Variants in NOTCH2 observed in about 807,000 individuals in gnomAD.
NOTCH2 encodes the protein notch receptor 2.
A neutral mutation model predicts 235.8 loss-of-function variants in NOTCH2; 29 were observed. The observed-to-expected ratio is 0.12, with a 90% confidence interval of 0.09 to 0.17. The LOEUF (loss-of-function observed/expected upper bound fraction) is 0.17, where lower values mean the gene tolerates loss of function less well. NOTCH2 is among the 10% of genes least tolerant of loss of function. The pLI, the probability that NOTCH2 is intolerant of heterozygous loss-of-function variation, is 1.00. For synonymous variants in NOTCH2, 1,086 were observed against 1,141.5 expected, an observed-to-expected ratio of 0.95 and a Z score of 0.98; for missense variants, 2,285 against 3,150.2, an observed-to-expected ratio of 0.73 and a Z score of 6.57.
intron 8 of NOTCH2, 57 bp downstream of exon 8, chr1:119,967,376 G>A (rs1162181203): frequency 3.1e-5 from 45 of 1,459,136 alleles, no homozygotes; most frequent in Non-Finnish European, 3.9e-5. Flanking sequence ...GCTCTACCAA[G>A]AGAAGTTCAG....
Position 119,925,554 on chromosome 1 carries a change from G to C in NOTCH2, c.4262C>G (p.Pro1421Arg). ...CELYTAPPST[P>R]PATCLSQYCA... ...ATACTGGCTCAGACAGGTGGCAGGA[G>C]GGGTGCTGGGGGGTGCCGTGTAGAG... is the stretch of plus-strand genomic sequence containing the variant. The change falls in exon 25 of 34, where the codon CCT becomes CGT. Residue 1421 changes from proline to arginine, a missense_variant. By Grantham distance (103) the Pro-to-Arg change is moderately radical. Around this residue, in one of 6 missense-constraint regions of NOTCH2, gnomAD observed 1,173 missense variants for 1,515.3 expected, o/e 0.77. Transcript: ENST00000256646. 1.2e-6 allele frequency: 2 copies of C among 1,614,162 alleles called. No homozygotes were observed. Among genetic ancestry groups the C allele is most frequent in the Non-Finnish European group, 1.7e-6 (2 of 1,180,030 alleles).
At chr1:119,931,217 C>G (rs1040767494) in intron 22 of NOTCH2, among the ~76,000 whole-genome samples, 6 of 151,276 alleles carry the variant, frequency 4.0e-5, no homozygotes, top group African/African-American at 1.5e-4. Context: ...TAAAGTAAGG[C>G]CCAATTTTCA....
chr1:119,987,959 C>T (rs983927068), intron 4 of NOTCH2, among the ~76,000 whole-genome samples: 2 of 152,174 alleles, frequency 1.3e-5, no homozygotes, highest in African/African-American at 2.4e-5. Context: ...CTTACTTTCT[C>T]TTTCCTTGCT....
At chr1:119,940,086 TG>T (rs774956851) in intron 19 of NOTCH2, among the ~76,000 whole-genome samples, 7 of 152,214 alleles carry the variant, frequency 4.6e-5, no homozygotes, top group Non-Finnish European at 7.3e-5. Flanking sequence ...TTAATGGAAG[TG>T]TGTATTTACA....
At chr1:119,930,838 C>G (rs1285469447) in intron 22 of NOTCH2, among the ~76,000 whole-genome samples, 2 of 151,188 alleles carry the variant, frequency 1.3e-5, no homozygotes, top group Non-Finnish European at 2.9e-5. Flanking sequence ...GTGGCTCAAG[C>G]CTGTAATCCC....
chr1:119,936,726 A>G (rs879983692), intron 21 of NOTCH2, among the ~76,000 whole-genome samples: 2 of 152,082 alleles, frequency 1.3e-5, no homozygotes, highest in Non-Finnish European at 2.9e-5. Context: ...CATTTTGCTA[A>G]TATCTTGCTT....
At chr1:120,029,500 G>A (rs1282765190) in intron 2 of NOTCH2, among the ~76,000 whole-genome samples, 3 of 150,246 alleles carry the variant, frequency 2.0e-5, no homozygotes, top group African/African-American at 2.4e-5. Flanking sequence ...CCAGTCATGC[G>A]CCACCACACC....
intron 3 of NOTCH2, among the ~76,000 whole-genome samples, chr1:119,997,996 A>C (rs1186095046): frequency 6.8e-6 from 1 of 147,984 alleles, no homozygotes; most frequent in Non-Finnish European, 1.5e-5. Flanking sequence ...AAAAAAATCA[A>C]CTTCCCTTCT....
In NOTCH2 at chr1:119,912,388, TACACC is replaced by T. The variant is rs1648924128; in HGVS notation, c.*2913_*2917del. On this transcript the variant is annotated 3_prime_UTR_variant, in exon 34 of 34. Coordinates refer to ENST00000256646, the MANE Select transcript of NOTCH2 (RefSeq NM_024408.4). ...CCTAAACCACCTCTCAACAAAACAT[TACACC>T]TTTGGTTCTTTATTATGCAAAAATT... The T allele has an allele frequency of 4.3e-6, 1 of 233,306 alleles. No homozygotes were observed. The highest frequency in any genetic ancestry group is 2.2e-5 in the African/African-American group (1 of 45,420). The allele number at this position is 233,306 out of a possible 1,614,324, so 14.5% of individuals were successfully genotyped here. A position where few individuals can be genotyped will look rare whatever the true frequency, so the allele number is the denominator to read the frequency against.
At chr1:119,940,403 C>A (rs1650023425) in intron 19 of NOTCH2, 152 bp downstream of exon 19, 1 of 677,160 alleles carries the variant, frequency 1.5e-6, no homozygotes, top group Non-Finnish European at 2.6e-6. Flanking sequence ...TTGGAATCTG[C>A]AAGTTATTAA....
At chr1:120,001,349 T>C (rs1293004280) in intron 3 of NOTCH2, among the ~76,000 whole-genome samples, 1 of 151,314 alleles carries the variant, frequency 6.6e-6, no homozygotes, top group Non-Finnish European at 1.5e-5. Flanking sequence ...TACACCCAGG[T>C]TGGATGACCG....
intron 1 of NOTCH2, among the ~76,000 whole-genome samples, 165 bp from the exon 2 acceptor site, chr1:120,030,152 C>A (rs1364462733): frequency 1.3e-5 from 2 of 151,972 alleles, no homozygotes; most frequent in Non-Finnish European, 2.9e-5. Context: ...CACAGAAGCC[C>A]ATCCCAAAAC....
intron 15 of NOTCH2, chr1:119,950,446 C>T: frequency 3.4e-6 from 2 of 581,992 alleles, no homozygotes. Context: ...AGACAACCAT[C>T]ATCTATGTGC....
At chr1:119,982,679 A>G (rs1380117235) in intron 5 of NOTCH2, among the ~76,000 whole-genome samples, 1 of 152,272 alleles carries the variant, frequency 6.6e-6, no homozygotes, top group Non-Finnish European at 1.5e-5. Flanking sequence ...AGGAATATCC[A>G]GTATTCAGGC....
chr1:120,014,497 C>CA (rs1553207569), intron 2 of NOTCH2, among the ~76,000 whole-genome samples: 1 of 145,952 alleles, frequency 6.9e-6, no homozygotes, highest in East Asian at 2.0e-4. Flanking sequence ...TGTAGAAAAG[C>CA]AAAGGAAGGA....
intron 2 of NOTCH2, among the ~76,000 whole-genome samples, chr1:120,023,971 T>C (rs1262018073): frequency 1.3e-5 from 2 of 152,090 alleles, no homozygotes; most frequent in African/African-American, 2.4e-5. Context: ...AAATAACTCT[T>C]GAATTAATAA....
At chr1:119,974,639 T>C (rs1188972733) in intron 5 of NOTCH2, among the ~76,000 whole-genome samples, 1 of 152,204 alleles carries the variant, frequency 6.6e-6, no homozygotes, top group Non-Finnish European at 1.5e-5. Context: ...TCCTCAAACA[T>C]TAAGTTCTCT....
chr1:119,949,123 T>C lies in NOTCH2; in HGVS notation c.2483A>G (p.Lys828Arg). The C allele has an allele frequency of 6.2e-7, 1 of 1,614,172 alleles. No individual in the cohort carries two copies. Among genetic ancestry groups the C allele is most frequent in the Non-Finnish European group, 8.5e-7 (1 of 1,180,020 alleles). ...TCHCVLPYTG[K>R]NCQTVLAPCS... ...GGGAGCCAATACTGTCTGACAATTC[T>C]TGCCTAGAAAGTAAATGACAGAGTT... The change falls in exon 16 of 34, where the codon AAG becomes AGG. Residue 828 changes from lysine (K) to arginine (R), a missense_variant. Physicochemically the swap from Lys to Arg is conservative, Grantham distance 26. Coordinates refer to ENST00000256646, the MANE Select transcript of NOTCH2 (RefSeq NM_024408.4).
intron 10 of NOTCH2, 101 bp from the exon 11 acceptor site, chr1:119,963,908 G>T: frequency 9.9e-7 from 1 of 1,013,098 alleles, no homozygotes. Context: ...CATTCGATGT[G>T]TGGTCAATTA....
Sources: gnomAD v4.1 joint callset for allele counts (sites outside exome capture counted in the v4.1 genomes callset) on GRCh38, gnomAD v4.1.1 for gene constraint, gnomAD v4.1.1 regional missense constraint, MANE v1.5 for transcripts, NCBI Gene and HGNC (gene_info 2026-07-23, HGNC 2026-07-21) for gene names.